CCDC33: variants seen among roughly 807,000 people sequenced by gnomAD.
The protein encoded by CCDC33 is coiled-coil domain containing 33.
In CCDC33, 94 loss-of-function variants were observed where a neutral mutation model predicts 91.9. That is an observed-to-expected ratio of 1.02 (90% CI 0.87 to 1.21). The LOEUF is 1.21. Ranked by LOEUF, CCDC33 falls within the 50% of genes most tolerant of loss-of-function variation. The probability of loss-of-function intolerance (pLI) is 0.00; values close to 1 mark genes in which losing one functional copy is unlikely to be tolerated. For missense variants in CCDC33, 940 were observed against 935.5 expected (o/e 1.00, Z -0.06); for synonymous variants, 396 against 374.5 (o/e 1.06, Z -0.66).
intron 1 of CCDC33, chr15:74,243,614 G>C (rs1595925941): frequency 2.2e-6 from 1 of 456,364 alleles, no homozygotes; most frequent in East Asian, 6.9e-5. Context: ...CGGAAGCTGT[G>C]AGTGGCTAGT....
chr15:74,246,362 A>G lies in CCDC33; in HGVS notation c.185+2214A>G, dbSNP rs575595501. Among the ~76,000 whole-genome samples the G allele has an allele frequency of 5.3e-5, 8 of 152,358 alleles. No homozygotes were observed. The South Asian group carries it at 1.7e-3, about 32-fold the overall frequency. ...AAAGCTTCTGCGCAGCAAAGGGAAT[A>G]ATCCACAAAACAAAAAGGCAGCCTA... On this transcript the variant is annotated intron_variant, in intron 2 of 18. Transcript: ENST00000398814.
intron 16 of CCDC33, among the ~76,000 whole-genome samples, chr15:74,333,501 T>C (rs1183119868): frequency 6.6e-6 from 1 of 152,186 alleles, no homozygotes; most frequent in African/African-American, 2.4e-5. Flanking sequence ...TGAGTTCTGT[T>C]GAAAGCACAC....
intron 11 of CCDC33, among the ~76,000 whole-genome samples, chr15:74,311,356 A>C (rs1385863047): frequency 6.6e-6 from 1 of 152,114 alleles, no homozygotes; most frequent in Non-Finnish European, 1.5e-5. Flanking sequence ...CACAGTGGGC[A>C]CATGCTTCGC....
chr15:74,234,975 C>G (rs2075101177), upstream of CCDC33, among the ~76,000 whole-genome samples: 1 of 152,214 alleles, frequency 6.6e-6, no homozygotes, highest in Admixed American at 6.5e-5. Flanking sequence ...AACCTGCTGC[C>G]CTAGCCTCCT....
At chr15:74,209,577 G>A in intron 2 of CCDC33, 1 of 742,000 alleles carries the variant, frequency 1.3e-6, no homozygotes, top group Non-Finnish European at 2.1e-6. Context: ...CCCCCTCGGA[G>A]CTTTCTCTTC....
chr15:74,243,182 C>T (rs985846526), intron 1 of CCDC33, among the ~76,000 whole-genome samples: 2 of 152,236 alleles, frequency 1.3e-5, no homozygotes, highest in African/African-American at 4.8e-5. Context: ...GGGTAGAAGA[C>T]AGGTGGGGCA....
At chr15:74,308,321 G>A (rs375691119) in intron 11 of CCDC33, among the ~76,000 whole-genome samples, 1 of 145,286 alleles carries the variant, frequency 6.9e-6, no homozygotes, top group African/African-American at 2.6e-5. Flanking sequence ...CCTGACACAC[G>A]GACTAGAAAA....
intron 4 of CCDC33, among the ~76,000 whole-genome samples, chr15:74,267,104 AAC>A (rs1388134933): frequency 2.0e-5 from 3 of 152,236 alleles, no homozygotes; most frequent in East Asian, 1.9e-4. Flanking sequence ...AAATCAAAGA[AAC>A]ACAATATTTA....
Position 74,335,053 on chromosome 15 carries a change from A to G in CCDC33, c.2104A>G (p.Arg702Gly). ...GCTGCAGGAGCAAGAAAAAGGTTTC[A>G]GGCACCCCTCGAACTCCATCATCAT... ...TRLQEQEKGF[R>G]HPSNSIIIEQ... Residue 702 changes from arginine (R) to glycine (G), a missense_variant, in exon 18 of 19, where the codon AGG becomes GGG. Transcript: ENST00000398814. The G allele has an allele frequency of 6.2e-7, 1 of 1,614,088 alleles. No homozygotes were observed. The highest frequency in any genetic ancestry group is 8.5e-7 in the Non-Finnish European group (1 of 1,179,974).
intron 10 of CCDC33, among the ~76,000 whole-genome samples, chr15:74,292,781 C>A (rs2059608761): frequency 6.6e-6 from 1 of 151,996 alleles, no homozygotes; most frequent in South Asian, 2.1e-4. Flanking sequence ...GTCTGGCAGG[C>A]ACTACAGGAA....
chr15:74,335,777 G>T (rs1467193905), intron 18 of CCDC33, 148 bp from the exon 19 acceptor site: 5 of 674,884 alleles, frequency 7.4e-6, no homozygotes, highest in African/African-American at 1.8e-5. Flanking sequence ...GTCACCTGCT[G>T]TGGCAAAATG....
chr15:74,209,889 TGG>T (rs918952691), intron 2 of CCDC33, among the ~76,000 whole-genome samples: 4 of 152,158 alleles, frequency 2.6e-5, no homozygotes, highest in Non-Finnish European at 1.5e-5. Flanking sequence ...AGAAGGGCCC[TGG>T]AGAGGCAGTC....
At chr15:74,265,035 G>A (rs1255729246) in intron 3 of CCDC33, among the ~76,000 whole-genome samples, 2 of 152,138 alleles carry the variant, frequency 1.3e-5, no homozygotes, top group African/African-American at 2.4e-5. Context: ...CATATGACAA[G>A]CTCTTGAGAT....
intron 11 of CCDC33, among the ~76,000 whole-genome samples, chr15:74,322,820 T>C (rs2415239): frequency 0.4 from 60,604 of 151,980 alleles, 12,669 homozygotes; most frequent in East Asian, 0.65. Flanking sequence ...CAGCGATGGA[T>C]CCTGGGGATC....
intron 2 of CCDC33, among the ~76,000 whole-genome samples, chr15:74,245,670 A>G (rs2075502548): frequency 6.7e-6 from 1 of 149,842 alleles, no homozygotes; most frequent in South Asian, 2.1e-4. Flanking sequence ...CCTAGGCGAC[A>G]CGAGCCTGGG....
rs1192377085 is a variant in CCDC33, at chr15:74,335,990, A to G, written c.2205A>G (p.Ser735=). ...AGCTGGAGCCCCTGCTGCCCAGCTC[A>G]GACTCTAAGCTCAACAAGCCCTTGA... ...PSELEPLLPS[S]DSKLNKPLSP... is the part of the protein sequence containing the mutation. The change falls in exon 19 of 19, where the codon TCA becomes TCG. Residue 735 remains serine (S), a synonymous_variant. Transcript: ENST00000398814. 3 of 1,613,928 alleles carry G rather than the reference A, an allele frequency of 1.9e-6. No individual in the cohort carries two copies. The highest frequency in any genetic ancestry group is 2.2e-5 in the East Asian group (1 of 44,890).
chr15:74,222,216 A>G (rs2074618255), intron 2 of CCDC33, among the ~76,000 whole-genome samples: 2 of 152,218 alleles, frequency 1.3e-5, no homozygotes, highest in Admixed American at 6.5e-5. Context: ...CTGAAAGTCT[A>G]CTGACAGTCT....
At chr15:74,216,213 C>A (rs2074444084), upstream of CCDC33, among the ~76,000 whole-genome samples, 1 of 152,084 alleles carries the variant, frequency 6.6e-6, no homozygotes, top group African/African-American at 2.4e-5. Flanking sequence ...TGGCCATGCC[C>A]AGCCGCTGAG....
chr15:74,259,244 C>T (rs1486058647), intron 2 of CCDC33, among the ~76,000 whole-genome samples: 1 of 151,898 alleles, frequency 6.6e-6, no homozygotes. Flanking sequence ...TGTGGAGAGG[C>T]CTAGGGAAGC....
Sources: allele counts gnomAD v4.1 joint callset (sites outside exome capture counted in the v4.1 genomes callset), GRCh38; gene constraint gnomAD v4.1.1; transcripts MANE v1.5; gene names NCBI Gene and HGNC (gene_info 2026-07-23, HGNC 2026-07-21).